Variants in GLOD5 observed in about 807,000 individuals in gnomAD.
The protein encoded by GLOD5 is glyoxalase domain containing 5.
GLOD5 carries 7 observed loss-of-function variants against 9.9 expected under a neutral mutation model. The ratio of observed to expected loss-of-function variants is 0.71; its 90% CI spans 0.40 to 1.33. GLOD5 has a LOEUF of 1.33. Among genes scored for constraint, GLOD5 ranks in the 40% most tolerant of loss-of-function variants. The probability of loss-of-function intolerance (pLI) is 0.01; values close to 1 mark genes in which losing one functional copy is unlikely to be tolerated. For missense variants in GLOD5, 146 were observed against 128.4 expected (o/e 1.14, Z -0.66); for synonymous variants, 49 against 47.3 (o/e 1.04, Z -0.14).
At chrX:48,769,155 G>A (rs367807247) in intron 2 of GLOD5, among the ~76,000 whole-genome samples, 1 of 110,299 alleles carries the variant, frequency 9.1e-6, no homozygotes, top group South Asian at 3.8e-4. Flanking sequence ...CCAGGAGAGG[G>A]AGGATTCATG....
At chrX:48,772,692 TAA>T (rs1168420466) in intron 3 of GLOD5, among the ~76,000 whole-genome samples, 14 of 111,332 alleles carry the variant, frequency 1.3e-4, no homozygotes, top group African/African-American at 4.6e-4. Context: ...GCATAGGGGT[TAA>T]GAGTATGGTC....
chrX:48,771,300 T>C (rs1486121920), intron 3 of GLOD5, among the ~76,000 whole-genome samples: 4 of 111,018 alleles, frequency 3.6e-5, no homozygotes, highest in African/African-American at 9.8e-5. Context: ...CAAACCTACA[T>C]TTATGCACTG....
At chrX:48,765,996 A>T in intron 2 of GLOD5, 24 bp downstream of exon 2, 1 of 1,192,528 alleles carries the variant, frequency 8.4e-7, no homozygotes, top group Non-Finnish European at 1.1e-6. Flanking sequence ...CAAATGCCAA[A>T]ATTCAGGTGG....
At chrX:48,764,826 C>T (rs1201675916) in intron 1 of GLOD5, among the ~76,000 whole-genome samples, 1 of 111,282 alleles carries the variant, frequency 9.0e-6, no homozygotes, top group Non-Finnish European at 1.9e-5. Flanking sequence ...ATTACAGGTG[C>T]CACCACTAGA....
At chrX:48,772,865 A>G (rs1441040902) in intron 3 of GLOD5, among the ~76,000 whole-genome samples, 2 of 110,788 alleles carry the variant, frequency 1.8e-5, no homozygotes, top group African/African-American at 6.6e-5. Context: ...GAACGGAGTG[A>G]TGGAGGGGAG....
chrX:48,762,190 G>A (rs1030801253), intron 1 of GLOD5: 3 of 171,978 alleles, frequency 1.7e-5, no homozygotes, highest in South Asian at 2.4e-4. Context: ...GAAACACAGC[G>A]CTGACCTTGA....
intron 3 of GLOD5, among the ~76,000 whole-genome samples, chrX:48,772,013 G>A (rs2062623568): frequency 9.0e-6 from 1 of 111,169 alleles, no homozygotes; most frequent in Non-Finnish European, 1.9e-5. Context: ...GAGGTGGCAG[G>A]ATCATTTGGG....
chrX:48,769,360 TTTATA>T (rs1437443633), intron 2 of GLOD5, among the ~76,000 whole-genome samples: 1 of 105,682 alleles, frequency 9.5e-6, no homozygotes, highest in African/African-American at 3.5e-5. Context: ...AAAAAAAAGT[TTTATA>T]ATTAGCCAGG....
intron 3 of GLOD5, 124 bp from the exon 4 acceptor site, chrX:48,773,186 C>A: frequency 2.6e-6 from 2 of 777,684 alleles, no homozygotes; most frequent in South Asian, 2.2e-5. Flanking sequence ...GCTGAGATCT[C>A]ACCACTGCAC....
In GLOD5 at chrX:48,761,859, C is replaced by T. The variant is rs1557016047; in HGVS notation, c.63+6C>T. ...GCAGGACTTTGGAGAAACAGGTGAACAAGATGGCCCCTGGGGATCTGGGGC... is the reference window on the plus strand; with the variant it reads ...GCAGGACTTTGGAGAAACAGGTGAATAAGATGGCCCCTGGGGATCTGGGGC... On this transcript the variant is annotated splice_donor_region_variant and intron_variant, in intron 1 of 3. Coordinates refer to ENST00000303227, the MANE Select transcript of GLOD5 (RefSeq NM_001080489.3). The T allele has an allele frequency of 2.2e-5, 25 of 1,153,897 alleles. No individual in the cohort carries two copies. The highest frequency in any genetic ancestry group is 4.7e-4 in the Middle Eastern group (2 of 4,260).
Position 48,770,942 on chromosome X carries a change from C to T in GLOD5, c.217C>T (p.Leu73=). 8.4e-7 allele frequency: 1 copy of T among 1,190,845 alleles called. No homozygotes were observed. Among genetic ancestry groups the T allele is most frequent in the Non-Finnish European group, 1.1e-6 (1 of 886,734 alleles). ...CACCAAGTAGGAAGACCGGAAAGCA[C>T]TGTGTTTTGGAGACCAGAAATTTAA... ...VMTFKEDRKA[L]CFGDQKFNLH... Residue 73 remains leucine (L), a synonymous_variant, in exon 3 of 4, where the codon CTG becomes TTG. Coordinates refer to ENST00000303227, the MANE Select transcript of GLOD5 (RefSeq NM_001080489.3).
intron 1 of GLOD5, among the ~76,000 whole-genome samples, chrX:48,762,788 A>G (rs781898138): frequency 2.7e-5 from 3 of 110,553 alleles, no homozygotes; most frequent in Non-Finnish European, 3.8e-5. Context: ...AGGCTTTGTA[A>G]CTTCACCTCC....
chrX:48,765,626 G>T (rs1461096064), intron 1 of GLOD5: 1 of 503,494 alleles, frequency 2.0e-6, no homozygotes, highest in Non-Finnish European at 3.6e-6. Context: ...GGAAACAGTG[G>T]AAAGTGGTCA....
intron 1 of GLOD5, chrX:48,765,596 A>AAG: frequency 5.1e-6 from 2 of 388,715 alleles, no homozygotes; most frequent in Non-Finnish European, 9.4e-6. Context: ...AAAAAAAAAA[A>AAG]AAAAAAGAAA....
At chrX:48,772,450 G>C (rs1254063286) in intron 3 of GLOD5, among the ~76,000 whole-genome samples, 2 of 111,302 alleles carry the variant, frequency 1.8e-5, no homozygotes, top group Non-Finnish European at 3.8e-5. Context: ...TAAGAGGTGG[G>C]AGGATCGTTT....
At position 48,766,189 on chromosome X, in the gene GLOD5, T is replaced by C. The variant is rs1332828729; in HGVS notation, c.201+217T>C. ...ATCATAGAAACAATGCAAGATAACT[T>C]TGCAGTCTCTACATGGAAAAGGTTA... On this transcript the variant is annotated intron_variant, in intron 2 of 3. Transcript: ENST00000303227. 1.4e-5 allele frequency: 5 copies of C among 366,999 alleles called. No homozygotes were observed. In the East Asian group the frequency reaches 1.5e-4, roughly 11 times the overall value. 30.2% of individuals were successfully genotyped at this position (366,999 alleles called of 1,213,427 possible).
In GLOD5 at chrX:48,765,841, A is replaced by G. The variant is rs782256259; in HGVS notation, c.70A>G (p.Arg24Gly). The G allele has an allele frequency of 1.2e-5, 14 of 1,182,234 alleles. No individual in the cohort carries two copies. In the South Asian group the frequency reaches 2.7e-4, roughly 22 times the overall value. Residue 24 changes from arginine (R) to glycine (G), a missense_variant, in exon 2 of 4, where the codon AGG (arginine) becomes GGG (glycine). Transcript: ENST00000303227. ...WGRTLEKQSW[R>G]DSSQTPPPCL... ...CTTTTTTTTCTTTTTTTAGTCATGG[A>G]GGGACAGCAGTCAGACCCCTCCCCC...
intron 3 of GLOD5, 40 bp from the exon 4 acceptor site, chrX:48,773,270 C>G (rs2062627382): frequency 8.3e-7 from 1 of 1,200,271 alleles, no homozygotes; most frequent in African/African-American, 1.8e-5. Context: ...CTCACACACA[C>G]ATTTTGACGA....
At chrX:48,768,500 C>T (rs1254544187) in intron 2 of GLOD5, among the ~76,000 whole-genome samples, 1 of 111,864 alleles carries the variant, frequency 8.9e-6, no homozygotes. Context: ...AACCTCTGTA[C>T]TTGGACACAA....
Sources: gnomAD v4.1 joint callset for allele counts (sites outside exome capture counted in the v4.1 genomes callset) on GRCh38, gnomAD v4.1.1 for gene constraint, MANE v1.5 for transcripts, NCBI Gene and HGNC (gene_info 2026-07-23, HGNC 2026-07-21) for gene names.